RIN3: variants seen among roughly 807,000 people sequenced by gnomAD.
The protein encoded by RIN3 is Ras and Rab interactor 3.
Under a neutral mutation model 76.3 loss-of-function variants are expected in RIN3, and 54 were observed. The ratio of observed to expected loss-of-function variants is 0.71; its 90% CI spans 0.57 to 0.89. RIN3 has a LOEUF of 0.89. Among genes scored for constraint, RIN3 ranks in the 40% least tolerant of loss-of-function variants. The probability of loss-of-function intolerance (pLI) is 0.00; values close to 1 mark genes in which losing one functional copy is unlikely to be tolerated. For missense variants in RIN3, 1,256 were observed against 1,322.1 expected (o/e 0.95, Z 0.78); for synonymous variants, 576 against 564.0 (o/e 1.02, Z -0.30).
chr14:92,590,576 G>C (rs1884945611), intron 3 of RIN3, among the ~76,000 whole-genome samples: 1 of 152,180 alleles, frequency 6.6e-6, no homozygotes, highest in Non-Finnish European at 1.5e-5. Flanking sequence ...CGAGCACCGT[G>C]CTTCCTGTAA....
intron 4 of RIN3, among the ~76,000 whole-genome samples, chr14:92,619,012 T>C (rs1361123850): frequency 6.6e-6 from 1 of 150,776 alleles, no homozygotes; most frequent in African/African-American, 2.4e-5. Flanking sequence ...TGTGTGTGGT[T>C]TATAATCACT....
intron 4 of RIN3, among the ~76,000 whole-genome samples, chr14:92,632,671 C>A (rs997087323): frequency 2.0e-5 from 3 of 152,154 alleles, no homozygotes; most frequent in African/African-American, 7.2e-5. Flanking sequence ...CTACCAGGCC[C>A]GTGGCTGGGA....
chr14:92,632,684 A>G (rs1453987059), intron 4 of RIN3, among the ~76,000 whole-genome samples: 1 of 152,100 alleles, frequency 6.6e-6, no homozygotes, highest in East Asian at 1.9e-4. Context: ...GGCTGGGAGG[A>G]TGCCCTGTGC....
chr14:92,649,861 G>T (rs1267094918), intron 5 of RIN3, among the ~76,000 whole-genome samples: 1 of 152,194 alleles, frequency 6.6e-6, no homozygotes, highest in African/African-American at 2.4e-5. Flanking sequence ...CAGGGTATCT[G>T]CCCAGGACAG....
intron 4 of RIN3, among the ~76,000 whole-genome samples, chr14:92,624,865 C>T (rs1307846935): frequency 2.0e-5 from 3 of 152,176 alleles, no homozygotes; most frequent in Admixed American, 6.5e-5. Context: ...TTTCTTGACT[C>T]GGGTGTGATG....
intron 7 of RIN3, among the ~76,000 whole-genome samples, chr14:92,671,752 T>C (rs146526239): frequency 6.6e-6 from 1 of 152,266 alleles, no homozygotes; most frequent in Non-Finnish European, 1.5e-5. Flanking sequence ...AAGTCATTAC[T>C]CCCTCAAGCA....
intron 7 of RIN3, among the ~76,000 whole-genome samples, chr14:92,672,759 C>G (rs1393472915): frequency 2.0e-5 from 3 of 152,024 alleles, no homozygotes; most frequent in Non-Finnish European, 4.4e-5. Context: ...TAAAACTACT[C>G]CAATTCCAAA....
intron 4 of RIN3, among the ~76,000 whole-genome samples, chr14:92,622,059 C>G (rs1416647144): frequency 1.3e-5 from 2 of 152,206 alleles, no homozygotes; most frequent in Non-Finnish European, 2.9e-5. Context: ...TTGCTCAGAA[C>G]AGCAGCACAA....
At chr14:92,687,893 C>A (rs1234781365) in intron 9 of RIN3, 33 bp from the exon 10 acceptor site, 1 of 1,504,428 alleles carries the variant, frequency 6.6e-7, no homozygotes, top group Non-Finnish European at 8.9e-7. Flanking sequence ...GACAGGGCCC[C>A]GCCGTGACCA....
intron 2 of RIN3, among the ~76,000 whole-genome samples, chr14:92,572,032 TACAGC>T (rs1158103346): frequency 1.8e-4 from 27 of 152,346 alleles, no homozygotes; most frequent in Non-Finnish European, 7.3e-5. Flanking sequence ...AATAAAGCTT[TACAGC>T]AGGAACAAAA....
At chr14:92,670,660 C>T (rs1422600301) in intron 7 of RIN3, among the ~76,000 whole-genome samples, 1 of 152,228 alleles carries the variant, frequency 6.6e-6, no homozygotes, top group Admixed American at 6.5e-5. Context: ...ATTCTAGTCC[C>T]AGCTCTGCTA....
At chr14:92,601,673 G>A (rs1462004612) in intron 3 of RIN3, among the ~76,000 whole-genome samples, 1 of 152,132 alleles carries the variant, frequency 6.6e-6, no homozygotes, top group Non-Finnish European at 1.5e-5. Context: ...CCTGCGGCGT[G>A]AGCAGGAAGC....
chr14:92,688,689 C>T lies in RIN3; in HGVS notation c.*437C>T. 5.5e-6 allele frequency: 1 copy of T among 180,844 alleles called. No individual in the cohort carries two copies. Among genetic ancestry groups the T allele is most frequent in the Non-Finnish European group, 1.2e-5 (1 of 86,412 alleles). 11.2% of individuals were successfully genotyped at this position (180,844 alleles called of 1,614,324 possible). A position where few individuals can be genotyped will look rare whatever the true frequency, so the allele number is the denominator to read the frequency against. ...GCACCGGCCACAGCTGCTCCCCGTGCCACTCAGGGTGGACCCAGCATCTCA... is the reference window on the plus strand; with the variant it reads ...GCACCGGCCACAGCTGCTCCCCGTGTCACTCAGGGTGGACCCAGCATCTCA... On this transcript the variant is annotated 3_prime_UTR_variant, in exon 10 of 10. Transcript: ENST00000216487.
chr14:92,570,533 G>A (rs1379094009), intron 2 of RIN3, among the ~76,000 whole-genome samples: 2 of 151,998 alleles, frequency 1.3e-5, no homozygotes, highest in Admixed American at 6.6e-5. Flanking sequence ...ATGGTAGTGC[G>A]TGCCTGTAAT....
At chr14:92,543,214 C>T (rs965718278) in intron 1 of RIN3, among the ~76,000 whole-genome samples, 7 of 150,812 alleles carry the variant, frequency 4.6e-5, no homozygotes, top group East Asian at 1.9e-4. Context: ...GACTCTAGGG[C>T]GGTAGATGCA....
intron 3 of RIN3, among the ~76,000 whole-genome samples, chr14:92,614,057 C>T (rs1170871836): frequency 6.6e-6 from 1 of 152,242 alleles, no homozygotes; most frequent in African/African-American, 2.4e-5. Flanking sequence ...GTGCCGTGTT[C>T]TCCACTGGTC....
chr14:92,515,044 T>C (rs1321535895), intron 1 of RIN3: 3 of 558,590 alleles, frequency 5.4e-6, no homozygotes, highest in East Asian at 6.1e-5. Flanking sequence ...TGTGCAGTCC[T>C]GAACTGGGGG....
intron 4 of RIN3, among the ~76,000 whole-genome samples, chr14:92,628,938 C>T (rs932941214): frequency 2.1e-4 from 32 of 151,420 alleles, no homozygotes; most frequent in Middle Eastern, 3.4e-3. Flanking sequence ...CACTGAAAGA[C>T]AGAAAAAGAA....
intron 8 of RIN3, among the ~76,000 whole-genome samples, chr14:92,682,515 T>C (rs1566903670): frequency 1.3e-5 from 2 of 152,240 alleles, no homozygotes; most frequent in Admixed American, 6.5e-5. Context: ...TTTCCATCTT[T>C]TCTTAGCATG....
Sources: allele counts gnomAD v4.1 joint callset (sites outside exome capture counted in the v4.1 genomes callset), GRCh38; gene constraint gnomAD v4.1.1; transcripts MANE v1.5; gene names NCBI Gene and HGNC (gene_info 2026-07-23, HGNC 2026-07-21).